The following CCDC148 variants were observed in gnomAD, a reference collection of about 807,000 sequenced individuals.
CCDC148 encodes the protein coiled-coil domain-containing protein 148.
In CCDC148, 89 loss-of-function variants were observed where a neutral mutation model predicts 85.7. The ratio of observed to expected loss-of-function variants is 1.04; its 90% CI spans 0.87 to 1.24. The LOEUF is 1.24. Among genes scored for constraint, CCDC148 ranks in the 50% most tolerant of loss-of-function variants. The pLI is 0.00. For missense variants in CCDC148, 692 were observed against 671.7 expected, an observed-to-expected ratio of 1.03 and a Z score of -0.33; for synonymous variants, 230 against 213.9, an observed-to-expected ratio of 1.08 and a Z score of -0.66.
In CCDC148 at chr2:158,188,466, C is replaced by T. The variant is rs367553229; in HGVS notation, c.1371-9470G>A. ...CTTCTTTCCAGCAGTAATTAGATAC[C>T]AGAGCCAACTGCCTATTATGGACAC... On this transcript the variant is annotated intron_variant, in intron 11 of 13. Coordinates refer to ENST00000283233, the MANE Select transcript of CCDC148 (RefSeq NM_138803.4). Among the ~76,000 whole-genome samples the T allele has an allele frequency of 8.0e-5, 12 of 149,968 alleles. No homozygotes were observed. The South Asian group carries it at 1.7e-3, about 21-fold the overall frequency.
At chr2:158,287,699 T>C (rs1690694368) in intron 9 of CCDC148, among the ~76,000 whole-genome samples, 1 of 152,216 alleles carries the variant, frequency 6.6e-6, no homozygotes, top group Non-Finnish European at 1.5e-5. Flanking sequence ...TTCCGGCTGC[T>C]TTCACGGGCT....
intron 1 of CCDC148, among the ~76,000 whole-genome samples, chr2:158,407,153 G>A (rs1336064035): frequency 3.3e-5 from 5 of 151,742 alleles, no homozygotes; most frequent in African/African-American, 1.2e-4. Context: ...CCTCAAATTC[G>A]GGTTGAAACA....
At chr2:158,241,834 G>A (rs986569406) in intron 10 of CCDC148, among the ~76,000 whole-genome samples, 1 of 152,040 alleles carries the variant, frequency 6.6e-6, no homozygotes, top group Non-Finnish European at 1.5e-5. Flanking sequence ...GGTGACTTTG[G>A]GATTTCAAAA....
chr2:158,366,017 A>G, intron 1 of CCDC148: 2 of 1,533,812 alleles, frequency 1.3e-6, no homozygotes, highest in East Asian at 2.5e-5. Context: ...AAAATACCTG[A>G]GCTATCATTT....
At chr2:158,377,802 G>A (rs770176695) in intron 1 of CCDC148, among the ~76,000 whole-genome samples, 2 of 151,976 alleles carry the variant, frequency 1.3e-5, no homozygotes, top group African/African-American at 2.4e-5. Flanking sequence ...TGATACTATC[G>A]TAATTGTTTT....
intron 1 of CCDC148, among the ~76,000 whole-genome samples, chr2:158,437,887 G>C (rs1384514088): frequency 6.6e-6 from 1 of 152,116 alleles, no homozygotes; most frequent in Non-Finnish European, 1.5e-5. Flanking sequence ...GCTTCAAAGA[G>C]AATAAAATAC....
At chr2:158,292,608 G>A (rs1050569472) in intron 9 of CCDC148, among the ~76,000 whole-genome samples, 26 of 152,156 alleles carry the variant, frequency 1.7e-4, no homozygotes, top group African/African-American at 6.3e-4. Flanking sequence ...TTCACTCACT[G>A]CCTAAAGTTT....
chr2:158,358,516 A>G lies in CCDC148; in HGVS notation c.80T>C (p.Val27Ala). ...NEMRNIKYKP[V>A]DYQQLRALTE... ...TAATGCACGCAATTGTTGATAGTCT[A>G]CTGGTTTGTACTTGATGTTTCTCAT... Residue 27 changes from valine to alanine, a missense_variant, in exon 2 of 14, where the codon GTA becomes GCA. By Grantham distance (64) the Val-to-Ala change is moderately conservative (BLOSUM62 0). Transcript: ENST00000283233. 3 of 1,606,378 alleles carry G rather than the reference A, an allele frequency of 1.9e-6. No individual in the cohort carries two copies. The highest frequency in any genetic ancestry group is 2.5e-6 in the Non-Finnish European group (3 of 1,177,302).
chr2:158,211,438 TA>T (rs1686572380), intron 11 of CCDC148, among the ~76,000 whole-genome samples: 1 of 152,224 alleles, frequency 6.6e-6, no homozygotes, highest in African/African-American at 2.4e-5. Context: ...TTTTATACAT[TA>T]AAAAACATAT....
At chr2:158,336,894 C>A (rs1229340451) in intron 7 of CCDC148, among the ~76,000 whole-genome samples, 3 of 152,136 alleles carry the variant, frequency 2.0e-5, no homozygotes, top group Admixed American at 6.6e-5. Flanking sequence ...GCTAAGCATA[C>A]CCCTTCTTCA....
intron 1 of CCDC148, among the ~76,000 whole-genome samples, chr2:158,406,147 C>T (rs1685987290): frequency 6.6e-6 from 1 of 152,090 alleles, no homozygotes. Flanking sequence ...CCCAGATTCA[C>T]ATTGACATGG....
At chr2:158,394,879 C>T (rs1685460005) in intron 1 of CCDC148, among the ~76,000 whole-genome samples, 1 of 152,020 alleles carries the variant, frequency 6.6e-6, no homozygotes, top group Admixed American at 6.6e-5. Flanking sequence ...TGTTTGTTCT[C>T]CTTCTAAAAT....
At chr2:158,331,732 G>T (rs1469047871) in intron 7 of CCDC148, among the ~76,000 whole-genome samples, 1 of 152,202 alleles carries the variant, frequency 6.6e-6, no homozygotes, top group Non-Finnish European at 1.5e-5. Context: ...AGCTCTTCTT[G>T]TTGAATTGAT....
intron 11 of CCDC148, among the ~76,000 whole-genome samples, chr2:158,196,390 C>T (rs986537144): frequency 6.6e-5 from 10 of 152,088 alleles, no homozygotes; most frequent in African/African-American, 2.4e-4. Context: ...GATATTTACA[C>T]CACAGAAATC....
At chr2:158,286,131 T>C (rs1325270405) in intron 9 of CCDC148, among the ~76,000 whole-genome samples, 1 of 152,090 alleles carries the variant, frequency 6.6e-6, no homozygotes, top group Non-Finnish European at 1.5e-5. Flanking sequence ...ATAAAATCAA[T>C]ATAAATTATA....
intron 11 of CCDC148, among the ~76,000 whole-genome samples, chr2:158,208,289 A>G (rs527490240): frequency 2.6e-5 from 4 of 152,280 alleles, no homozygotes; most frequent in Admixed American, 6.5e-5. Context: ...GTATAGAAAG[A>G]AGGGTATGTG....
chr2:158,289,035 A>G (rs1377910589), intron 9 of CCDC148, among the ~76,000 whole-genome samples: 1 of 152,180 alleles, frequency 6.6e-6, no homozygotes, highest in African/African-American at 2.4e-5. Context: ...CATGGGAAAG[A>G]TCAGCCCCCA....
intron 10 of CCDC148, among the ~76,000 whole-genome samples, chr2:158,234,632 A>T (rs1473076455): frequency 1.3e-5 from 2 of 152,208 alleles, no homozygotes; most frequent in Non-Finnish European, 2.9e-5. Flanking sequence ...GAAAAATTGG[A>T]AACAATGTAA....
intron 1 of CCDC148, among the ~76,000 whole-genome samples, chr2:158,413,540 C>T (rs924761167): frequency 3.8e-4 from 57 of 151,628 alleles, no homozygotes; most frequent in Non-Finnish European, 5.9e-5. Flanking sequence ...GATAAAGTGA[C>T]GAGTAAGACA....
Sources: gnomAD v4.1 joint callset for allele counts (sites outside exome capture counted in the v4.1 genomes callset) on GRCh38, gnomAD v4.1.1 for gene constraint, MANE v1.5 for transcripts, NCBI Gene and HGNC (gene_info 2026-07-23, HGNC 2026-07-21) for gene names.